The following CDH23 variants were observed in gnomAD, a reference collection of about 807,000 sequenced individuals.
The protein encoded by CDH23 is cadherin-23.
In CDH23, 189 loss-of-function variants were observed where a neutral mutation model predicts 317.1. The ratio of observed to expected loss-of-function variants is 0.60; its 90% CI spans 0.53 to 0.67. The LOEUF is 0.67. CDH23 is among the 30% of genes least tolerant of loss of function. CDH23 has a pLI of 0.00. For missense variants in CDH23, 4,401 were observed against 4,592.4 expected, an observed-to-expected ratio of 0.96 and a Z score of 1.20; for synonymous variants, 1,839 against 1,876.8, an observed-to-expected ratio of 0.98 and a Z score of 0.52.
rs867558513 is a variant in CDH23, at chr10:71,516,785, A to G, written c.429+5573A>G. Reference sequence around the variant, plus strand: ...GATTAGGAGGCAGGCCTGGGGTGGCACGACTTTTTGACATGTAGCTTCACT... The same window carrying G: ...GATTAGGAGGCAGGCCTGGGGTGGCGCGACTTTTTGACATGTAGCTTCACT... On this transcript the variant is annotated intron_variant, in intron 6 of 69. Coordinates refer to ENST00000224721, the MANE Select transcript of CDH23 (RefSeq NM_022124.6). 9.8e-5 allele frequency among the ~76,000 whole-genome samples: 15 copies of G among 152,326 alleles called. No individual in the cohort carries two copies. The Middle Eastern group carries it at 0.01, about 104-fold the overall frequency.
In CDH23 at chr10:71,737,625, G is replaced by A. The variant is rs556446568; in HGVS notation, c.4210-873G>A. The A allele has an allele frequency of 8.7e-6, 4 of 460,538 alleles. No homozygotes were observed. In the Admixed American group the frequency reaches 9.4e-5, roughly 11 times the overall value. 28.5% of individuals were successfully genotyped at this position (460,538 alleles called of 1,614,324 possible). On this transcript the variant is annotated intron_variant, in intron 34 of 69. Coordinates refer to ENST00000224721, the MANE Select transcript of CDH23 (RefSeq NM_022124.6). ...CACATGCAGGGAAGCAGAGAATGGGGTCTGGCCTGGGGCAGGGCAGTGGGA... is the reference window on the plus strand; with the variant it reads ...CACATGCAGGGAAGCAGAGAATGGGATCTGGCCTGGGGCAGGGCAGTGGGA...
At chr10:71,511,385 G>A (rs539912245) in intron 6 of CDH23, among the ~76,000 whole-genome samples, 173 bp downstream of exon 6, 1 of 152,272 alleles carries the variant, frequency 6.6e-6, no homozygotes, top group Non-Finnish European at 1.5e-5. Context: ...CTGGGAATCG[G>A]GGCCCAGCCT....
At chr10:71,494,090 G>A (rs1203403724) in intron 3 of CDH23, among the ~76,000 whole-genome samples, 1 of 152,140 alleles carries the variant, frequency 6.6e-6, no homozygotes, top group Non-Finnish European at 1.5e-5. Flanking sequence ...AGCAGAAGCT[G>A]TTGTTCATTT....
intron 11 of CDH23, among the ~76,000 whole-genome samples, chr10:71,618,360 C>T (rs527317604): frequency 1.3e-5 from 2 of 152,096 alleles, no homozygotes; most frequent in South Asian, 2.1e-4. Flanking sequence ...CAGGGGCGGG[C>T]GTAGGGGGGC....
At chr10:71,439,020 A>G (rs979943901) in intron 1 of CDH23, among the ~76,000 whole-genome samples, 1 of 152,154 alleles carries the variant, frequency 6.6e-6, no homozygotes, top group African/African-American at 2.4e-5. Flanking sequence ...CCCTGATGGA[A>G]TGGGACCAGA....
chr10:71,602,119 C>T (rs540870100), intron 9 of CDH23, among the ~76,000 whole-genome samples: 4 of 152,068 alleles, frequency 2.6e-5, no homozygotes, highest in South Asian at 4.2e-4. Context: ...AGAGTCCTGA[C>T]GGAGCACAAT....
intron 6 of CDH23, among the ~76,000 whole-genome samples, chr10:71,542,953 G>T (rs1454188535): frequency 1.3e-5 from 2 of 152,250 alleles, no homozygotes; most frequent in Non-Finnish European, 2.9e-5. Context: ...TGAAGTGGGG[G>T]ACAACCACCA....
chr10:71,441,814 C>G (rs1052593075), intron 2 of CDH23, among the ~76,000 whole-genome samples: 1 of 152,164 alleles, frequency 6.6e-6, no homozygotes, highest in Non-Finnish European at 1.5e-5. Flanking sequence ...ACGGCAGTCT[C>G]CCCTTGAGCT....
chr10:71,812,710 T>C, intron 67 of CDH23, 58 bp from the exon 68 acceptor site: 1 of 1,612,116 alleles, frequency 6.2e-7, no homozygotes, highest in Non-Finnish European at 8.5e-7. Context: ...GGTGGCCCCC[T>C]CCCTTGTACA....
intron 1 of CDH23, among the ~76,000 whole-genome samples, chr10:71,427,562 G>A (rs1849161551): frequency 6.6e-6 from 1 of 152,128 alleles, no homozygotes; most frequent in Non-Finnish European, 1.5e-5. Flanking sequence ...GCCTGCTGAA[G>A]GACATTTGGT....
chr10:71,786,600 C>A (rs141751138), intron 44 of CDH23, among the ~76,000 whole-genome samples: 3 of 149,138 alleles, frequency 2.0e-5, no homozygotes, highest in African/African-American at 5.0e-5. Context: ...CAGGTTCAAG[C>A]GATTCTTGTG....
chr10:71,731,941 C>G, intron 31 of CDH23, 46 bp from the exon 32 acceptor site: 3 of 1,582,644 alleles, frequency 1.9e-6, no homozygotes, highest in Non-Finnish European at 2.6e-6. Flanking sequence ...AGCGCAGCCC[C>G]ACTCAGTTCT....
chr10:71,510,301 T>A (rs1382418381), intron 4 of CDH23, 77 bp downstream of exon 4: 2 of 1,508,334 alleles, frequency 1.3e-6, no homozygotes, highest in African/African-American at 2.7e-5. Flanking sequence ...CGGCCCGCCA[T>A]CTTTTGGCGT....
At chr10:71,810,367 G>A in intron 61 of CDH23, 105 bp from the exon 62 acceptor site, 1 of 1,038,504 alleles carries the variant, frequency 9.6e-7, no homozygotes, top group South Asian at 1.3e-5. Flanking sequence ...AGTAGTGAAG[G>A]GTCTATTTGC....
chr10:71,776,026 A>G (rs1274842779), intron 38 of CDH23, among the ~76,000 whole-genome samples: 1 of 152,124 alleles, frequency 6.6e-6, no homozygotes, highest in Admixed American at 6.5e-5. Flanking sequence ...GACATTTCCC[A>G]CATTCCCAAA....
chr10:71,525,164 C>T (rs753492941), intron 6 of CDH23, among the ~76,000 whole-genome samples: 6 of 152,334 alleles, frequency 3.9e-5, no homozygotes, highest in Non-Finnish European at 5.9e-5. Flanking sequence ...ACCTCGGCCC[C>T]CCAAAGTGCT....
chr10:71,437,329 T>G lies in CDH23; in HGVS notation c.-5-2498T>G, dbSNP rs552356389. ...AACACAATTATGTACAGAGAGATGT[T>G]CGCGGTGGCATTGCTTTTGGGGGCA... On this transcript the variant is annotated intron_variant, in intron 1 of 69. Coordinates refer to ENST00000224721, the MANE Select transcript of CDH23 (RefSeq NM_022124.6). 2.6e-5 allele frequency among the ~76,000 whole-genome samples: 4 copies of G among 152,368 alleles called. No homozygotes were observed. The South Asian group carries it at 8.3e-4, about 32-fold the overall frequency.
chr10:71,613,820 TATTA>T (rs1861038484), intron 9 of CDH23, among the ~76,000 whole-genome samples: 1 of 152,176 alleles, frequency 6.6e-6, no homozygotes, highest in Admixed American at 6.5e-5. Flanking sequence ...AAGGCTTGGG[TATTA>T]ATTCTCTAAC....
intron 49 of CDH23, 49 bp downstream of exon 49, chr10:71,797,269 G>A (rs924458511): frequency 8.4e-6 from 11 of 1,312,514 alleles, no homozygotes; most frequent in Non-Finnish European, 1.1e-5. Context: ...AGCCAATCAG[G>A]GCAGGGGGCA....
Sources: gnomAD v4.1 joint callset for allele counts (sites outside exome capture counted in the v4.1 genomes callset) on GRCh38, gnomAD v4.1.1 for gene constraint, MANE v1.5 for transcripts, NCBI Gene and HGNC (gene_info 2026-07-23, HGNC 2026-07-21) for gene names.